Variants in ATP2B2 observed in about 807,000 individuals in gnomAD.
ATP2B2 encodes the protein ATPase plasma membrane Ca2+ transporting 2.
Under a neutral mutation model 120.0 loss-of-function variants are expected in ATP2B2, and 15 were observed. That is an observed-to-expected ratio of 0.12 (90% confidence interval 0.08 to 0.19). The LOEUF (loss-of-function observed/expected upper bound fraction) is 0.19, where lower values mean the gene tolerates loss of function less well. Among genes scored for constraint, ATP2B2 ranks in the 10% least tolerant of loss-of-function variants. The pLI is 1.00. For missense variants in ATP2B2, 1,045 were observed against 1,719.8 expected (o/e 0.61, Z 6.94); for synonymous variants, 694 against 700.3 (o/e 0.99, Z 0.14).
intron 1 of ATP2B2, among the ~76,000 whole-genome samples, chr3:10,659,228 A>T (rs1212164171): frequency 1.3e-5 from 2 of 152,244 alleles, no homozygotes; most frequent in African/African-American, 4.8e-5. Context: ...TGACAGGATC[A>T]AATTCACACA....
chr3:10,488,595 G>A (rs149702099), intron 1 of ATP2B2, among the ~76,000 whole-genome samples: 2,470 of 148,988 alleles, frequency 0.017, 34 homozygotes, highest in Non-Finnish European at 0.028. Flanking sequence ...TGCTTACCAG[G>A]TTCTACCAGG....
intron 5 of ATP2B2, among the ~76,000 whole-genome samples, chr3:10,396,011 ACCTG>A (rs1234001732): frequency 2.0e-5 from 3 of 152,172 alleles, no homozygotes; most frequent in African/African-American, 7.2e-5. Context: ...GGTAGGGGAA[ACCTG>A]CCTGGTTTTG....
At chr3:10,596,264 C>G (rs1214891660) in intron 2 of ATP2B2, among the ~76,000 whole-genome samples, 2 of 152,226 alleles carry the variant, frequency 1.3e-5, no homozygotes, top group East Asian at 3.8e-4. Context: ...ACTGAAACAA[C>G]TGAGTTGATT....
intron 2 of ATP2B2, among the ~76,000 whole-genome samples, chr3:10,559,008 C>G (rs1199331548): frequency 6.6e-6 from 1 of 152,222 alleles, no homozygotes; most frequent in Non-Finnish European, 1.5e-5. Context: ...TATCCCTGCC[C>G]TTCAAACACT....
At chr3:10,378,040 C>T (rs942296931) in intron 10 of ATP2B2, among the ~76,000 whole-genome samples, 8 of 152,256 alleles carry the variant, frequency 5.3e-5, no homozygotes, top group Non-Finnish European at 7.3e-5. Flanking sequence ...TGGATTTGCT[C>T]GAGCTTCACT....
At chr3:10,705,144 TC>T (rs2071877000) in intron 1 of ATP2B2, among the ~76,000 whole-genome samples, 1 of 152,156 alleles carries the variant, frequency 6.6e-6, no homozygotes, top group African/African-American at 2.4e-5. Flanking sequence ...TCAAGAGAAA[TC>T]CTGCACAACA....
At chr3:10,502,009 A>G (rs2125407936) in intron 1 of ATP2B2, among the ~76,000 whole-genome samples, 1 of 152,278 alleles carries the variant, frequency 6.6e-6, no homozygotes, top group South Asian at 2.1e-4. Context: ...TAATGCATTA[A>G]TGGGTTTCCT....
At chr3:10,685,414 G>A (rs1342752684) in intron 1 of ATP2B2, among the ~76,000 whole-genome samples, 2 of 152,148 alleles carry the variant, frequency 1.3e-5, no homozygotes, top group Non-Finnish European at 2.9e-5. Context: ...AGTACTGCTG[G>A]GTGTTCCGTG....
chr3:10,339,764 G>A lies in ATP2B2; in HGVS notation c.3237+478C>T, dbSNP rs566616655. Among the ~76,000 whole-genome samples the A allele has an allele frequency of 1.4e-3, 216 of 152,190 alleles. 1 individual carries two copies. Among genetic ancestry groups the A allele is most frequent in the African/African-American group, 4.8e-3 (201 of 41,516 alleles). ...AGTGCTCTAAAGGATCCTGATTGACGCCAGCCGGCCACCAGCGCCCGCAGA... is the reference window on the plus strand; with the variant it reads ...AGTGCTCTAAAGGATCCTGATTGACACCAGCCGGCCACCAGCGCCCGCAGA... On this transcript the variant is annotated intron_variant, in intron 21 of 22. Coordinates refer to ENST00000360273, the MANE Select transcript of ATP2B2 (RefSeq NM_001001331.4).
At chr3:10,564,185 C>T (rs2067961230) in intron 2 of ATP2B2, among the ~76,000 whole-genome samples, 1 of 152,204 alleles carries the variant, frequency 6.6e-6, no homozygotes, top group Non-Finnish European at 1.5e-5. Context: ...CTCATATAAC[C>T]AATCCCTTGG....
chr3:10,601,404 G>A (rs569380038), intron 2 of ATP2B2, among the ~76,000 whole-genome samples: 9 of 152,154 alleles, frequency 5.9e-5, no homozygotes, highest in South Asian at 2.1e-4. Flanking sequence ...GGAATAACAC[G>A]GGGAGGGAGG....
chr3:10,659,278 C>T (rs2125677190), intron 1 of ATP2B2, among the ~76,000 whole-genome samples: 1 of 152,248 alleles, frequency 6.6e-6, no homozygotes, highest in South Asian at 2.1e-4. Flanking sequence ...ATAAATCCTC[C>T]AATTAAAAGA....
chr3:10,476,220 A>G (rs77256414), intron 1 of ATP2B2, among the ~76,000 whole-genome samples: 1 of 152,350 alleles, frequency 6.6e-6, no homozygotes, highest in Non-Finnish European at 1.5e-5. Context: ...AGATCAGGCC[A>G]TCTTTAGCTG....
intron 10 of ATP2B2, among the ~76,000 whole-genome samples, chr3:10,376,825 G>T (rs2125527092): frequency 6.8e-6 from 1 of 147,920 alleles, no homozygotes; most frequent in African/African-American, 2.5e-5. Flanking sequence ...GAAGACAGTG[G>T]GAGTCACGGA....
At chr3:10,522,065 G>A (rs1207602421) in intron 3 of ATP2B2, among the ~76,000 whole-genome samples, 1 of 152,028 alleles carries the variant, frequency 6.6e-6, no homozygotes, top group Non-Finnish European at 1.5e-5. Flanking sequence ...AAGACAAGGG[G>A]GATTATGTGG....
intron 2 of ATP2B2, among the ~76,000 whole-genome samples, chr3:10,617,262 A>C (rs974516881): frequency 5.9e-5 from 9 of 152,254 alleles, no homozygotes; most frequent in African/African-American, 1.9e-4. Context: ...AAAGCCTTTA[A>C]AACTTTCTAG....
intron 1 of ATP2B2, among the ~76,000 whole-genome samples, chr3:10,664,139 T>A (rs941827019): frequency 1.3e-5 from 2 of 151,736 alleles, no homozygotes; most frequent in East Asian, 3.9e-4. Context: ...CCAGGGAGTG[T>A]TTTTGTGGGG....
chr3:10,452,431 G>A (rs1017528639), intron 1 of ATP2B2, among the ~76,000 whole-genome samples: 1 of 152,222 alleles, frequency 6.6e-6, no homozygotes, highest in Non-Finnish European at 1.5e-5. Context: ...TTCAGGGTTG[G>A]ATGAGGCACT....
intron 17 of ATP2B2, 93 bp downstream of exon 17, chr3:10,345,936 AGT>A: frequency 7.8e-7 from 1 of 1,288,786 alleles, no homozygotes; most frequent in Non-Finnish European, 1.1e-6. Context: ...GGGTGGGCCA[AGT>A]GTGAACTGGG....
Sources: gnomAD v4.1 joint callset for allele counts (sites outside exome capture counted in the v4.1 genomes callset) on GRCh38, gnomAD v4.1.1 for gene constraint, MANE v1.5 for transcripts, NCBI Gene and HGNC (gene_info 2026-07-23, HGNC 2026-07-21) for gene names.